NPEPL1: variants seen among roughly 807,000 people sequenced by gnomAD.
NPEPL1 encodes aminopeptidase like 1.
In NPEPL1, 45 loss-of-function variants were observed where a neutral mutation model predicts 52.4. The observed-to-expected ratio is 0.86, with a 90% CI of 0.68 to 1.10. The LOEUF is 1.10. Among genes scored for constraint, NPEPL1 ranks in the 50% least tolerant of loss-of-function variants. NPEPL1 has a pLI of 0.00. For synonymous variants in NPEPL1, 360 were observed against 314.7 expected, an observed-to-expected ratio of 1.14 and a Z score of -1.52; for missense variants, 696 against 710.9, an observed-to-expected ratio of 0.98 and a Z score of 0.24.
At chr20:58,701,422 G>A (rs1358559031) in intron 6 of NPEPL1, among the ~76,000 whole-genome samples, 1 of 140,528 alleles carries the variant, frequency 7.1e-6, no homozygotes, top group African/African-American at 2.7e-5. Flanking sequence ...TCTGAGAGGT[G>A]TCATGGGGTG....
intron 1 of NPEPL1, chr20:58,693,521 G>A (rs541058304): frequency 4.1e-6 from 2 of 482,054 alleles, no homozygotes; most frequent in South Asian, 7.4e-5. Flanking sequence ...AGGCTTGGTG[G>A]CTTCATCCCA....
At chr20:58,699,106 C>CG in intron 4 of NPEPL1, 91 bp from the exon 5 acceptor site, 1 of 1,226,346 alleles carries the variant, frequency 8.2e-7, no homozygotes, top group South Asian at 1.3e-5. Context: ...GCACAGGCAG[C>CG]GGTTCATCCC....
chr20:58,701,381 G>T (rs1314810988), intron 6 of NPEPL1, among the ~76,000 whole-genome samples: 8 of 147,666 alleles, frequency 5.4e-5, no homozygotes, highest in Admixed American at 4.7e-4. Flanking sequence ...CTGGGGGGGG[G>T]GGAGGGGCCC....
intron 6 of NPEPL1, chr20:58,703,641 C>G (rs920771281): frequency 1.0e-6 from 1 of 985,240 alleles, no homozygotes; most frequent in African/African-American, 1.7e-5. Flanking sequence ...GGCACTAACT[C>G]TAGTCACTTA....
At chr20:58,707,716 G>T (rs1352860386) in intron 7 of NPEPL1, among the ~76,000 whole-genome samples, 1 of 140,274 alleles carries the variant, frequency 7.1e-6, no homozygotes, top group South Asian at 2.3e-4. Context: ...CGGGGGGCGT[G>T]GGGGGGGTGG....
chr20:58,713,356 A>G lies in NPEPL1; in HGVS notation c.1002-64A>G, dbSNP rs2084893027. The G allele has an allele frequency of 6.6e-7, 1 of 1,505,444 alleles. No homozygotes were observed. The highest frequency in any genetic ancestry group is 8.9e-7 in the Non-Finnish European group (1 of 1,118,654). The allele number at this position is 1,505,444 out of a possible 1,614,324, so 93.3% of individuals were successfully genotyped here. Reference sequence around the variant, plus strand: ...TCCAAATGGGGTCTCCCCAGTTTCAAAGGGGCTCATGCCAGTGTCCCAGGA... The same window carrying G: ...TCCAAATGGGGTCTCCCCAGTTTCAGAGGGGCTCATGCCAGTGTCCCAGGA... On this transcript the variant is annotated intron_variant, in intron 8 of 11. Transcript: ENST00000356091. The surrounding 1 kb of genome is among the most constrained non-coding windows in gnomAD (Gnocchi z 4.6).
intron 6 of NPEPL1, among the ~76,000 whole-genome samples, chr20:58,706,452 G>A (rs62203766): frequency 0.31 from 47,500 of 152,148 alleles, 8,328 homozygotes; most frequent in East Asian, 0.39. Flanking sequence ...AGCCCTCTAA[G>A]TGCCAGGGAG....
Position 58,704,221 on chromosome 20 carries a change from G to A in NPEPL1, c.823-2902G>A, listed in dbSNP as rs979362129. 4.1e-6 allele frequency: 4 copies of A among 985,222 alleles called. No homozygotes were observed. The Admixed American group carries it at 2.5e-4, about 61-fold the overall frequency. The allele number at this position is 985,222 out of a possible 1,614,324, so 61.0% of individuals were successfully genotyped here. Reference sequence around the variant, plus strand: ...CCCAGTGGCTGCCTGTAGAGCAAATGGTGCAGAAATGGTCACTCCTCAAAA... The same window carrying A: ...CCCAGTGGCTGCCTGTAGAGCAAATAGTGCAGAAATGGTCACTCCTCAAAA... On this transcript the variant is annotated intron_variant, in intron 6 of 11. Coordinates refer to ENST00000356091, the MANE Select transcript of NPEPL1 (RefSeq NM_024663.4).
At chr20:58,695,819 C>T (rs2084476909) in intron 3 of NPEPL1, among the ~76,000 whole-genome samples, 1 of 152,184 alleles carries the variant, frequency 6.6e-6, no homozygotes, top group Non-Finnish European at 1.5e-5. Context: ...TCCCTCTTAA[C>T]CCATGGAGAC....
chr20:58,693,426 C>T, intron 1 of NPEPL1: 1 of 290,160 alleles, frequency 3.4e-6, no homozygotes, highest in Non-Finnish European at 6.4e-6. Flanking sequence ...CTTGGGGACA[C>T]CTGGCCCCTG....
At chr20:58,697,939 C>T (rs1377436864) in intron 3 of NPEPL1, among the ~76,000 whole-genome samples, 9 of 152,358 alleles carry the variant, frequency 5.9e-5, no homozygotes, top group African/African-American at 2.2e-4. Flanking sequence ...GCCAGCAGGG[C>T]CCATGTTTTC....
intron 6 of NPEPL1, among the ~76,000 whole-genome samples, chr20:58,706,838 C>G (rs1384541001): frequency 2.6e-5 from 4 of 152,216 alleles, no homozygotes; most frequent in Admixed American, 6.5e-5. Flanking sequence ...TCGGGTTCCC[C>G]CTCCGTGCAG....
At position 58,701,388 on chromosome 20, in the gene NPEPL1, G is replaced by T. The variant is rs1485032507; in HGVS notation, c.822+230G>T. Among the ~76,000 whole-genome samples the T allele has an allele frequency of 4.7e-5, 6 of 126,610 alleles. No individual in the cohort carries two copies. In the Admixed American group the frequency reaches 4.9e-4, roughly 10 times the overall value. 83.1% of individuals were successfully genotyped at this position (126,610 alleles called of 152,430 possible). On this transcript the variant is annotated intron_variant, in intron 6 of 11. Coordinates refer to ENST00000356091, the MANE Select transcript of NPEPL1 (RefSeq NM_024663.4). ...AGGGTGCCCTGGGGGGGGGGGAGGGGCCCAGTTTGGGTCCAGCCAGCCCTC... is the reference window on the plus strand; with the variant it reads ...AGGGTGCCCTGGGGGGGGGGGAGGGTCCCAGTTTGGGTCCAGCCAGCCCTC...
chr20:58,715,440 T>G lies in NPEPL1; in HGVS notation c.*114T>G. On this transcript the variant is annotated 3_prime_UTR_variant, in exon 12 of 12. Coordinates refer to ENST00000356091, the MANE Select transcript of NPEPL1 (RefSeq NM_024663.4). ...GGGTTTTGGTTTGTCTTTCTGGTCG[T>G]CAGCGTGGTGGTGGAAACAGCTGAA... 8.5e-7 allele frequency: 1 copy of G among 1,177,144 alleles called. No individual in the cohort carries two copies. The allele number at this position is 1,177,144 out of a possible 1,614,324, so 72.9% of individuals were successfully genotyped here. A position where few individuals can be genotyped will look rare whatever the true frequency, so the allele number is the denominator to read the frequency against.
intron 4 of NPEPL1, among the ~76,000 whole-genome samples, 165 bp downstream of exon 4, chr20:58,698,938 C>A (rs532121074): frequency 2.6e-5 from 4 of 152,314 alleles, no homozygotes; most frequent in African/African-American, 7.2e-5. Flanking sequence ...CAGGAAGCCT[C>A]AGGAAAGGGT....
intron 10 of NPEPL1, 172 bp from the exon 11 acceptor site, chr20:58,714,388 T>G: frequency 1.6e-6 from 1 of 611,610 alleles, no homozygotes; most frequent in African/African-American, 1.9e-5. Flanking sequence ...GGGGGCAGAC[T>G]CCTTAGCTCA....
chr20:58,704,216 C>G, intron 6 of NPEPL1: 2 of 985,296 alleles, frequency 2.0e-6, no homozygotes, highest in Non-Finnish European at 2.4e-6. Flanking sequence ...GCCTGTAGAG[C>G]AAATGGTGCA....
At chr20:58,701,790 A>G (rs2084629220) in intron 6 of NPEPL1, among the ~76,000 whole-genome samples, 1 of 152,092 alleles carries the variant, frequency 6.6e-6, no homozygotes, top group South Asian at 2.1e-4. Context: ...AGCGAGGGGA[A>G]TCTGGGCACG....
chr20:58,698,639 A>G (rs774658139), intron 3 of NPEPL1, 45 bp from the exon 4 acceptor site: 19 of 1,496,166 alleles, frequency 1.3e-5, no homozygotes, highest in African/African-American at 1.4e-5. Flanking sequence ...AGGGGAGAAC[A>G]TCTGCCTCCC....
Sources: gnomAD v4.1 joint callset for allele counts (sites outside exome capture counted in the v4.1 genomes callset) on GRCh38, gnomAD v4.1.1 for gene constraint, Gnocchi (gnomAD v3.1) non-coding constraint, MANE v1.5 for transcripts, NCBI Gene and HGNC (gene_info 2026-07-23, HGNC 2026-07-21) for gene names.